GPR83: variants seen among roughly 807,000 people sequenced by gnomAD.
The protein encoded by GPR83 is G-protein coupled receptor 72.
Under a neutral mutation model 28.0 loss-of-function variants are expected in GPR83, and 23 were observed. The observed-to-expected ratio is 0.82, with a 90% CI of 0.59 to 1.16. The LOEUF is 1.16. GPR83 is among the 50% of genes most tolerant of loss of function. The pLI, the probability that GPR83 is intolerant of heterozygous loss-of-function variation, is 0.00. For missense variants in GPR83, 610 were observed against 536.6 expected, an observed-to-expected ratio of 1.14 and a Z score of -1.35; for synonymous variants, 234 against 215.4, an observed-to-expected ratio of 1.09 and a Z score of -0.76.
chr11:94,387,210 C>T (rs1202608598), intron 3 of GPR83, among the ~76,000 whole-genome samples: 1 of 152,050 alleles, frequency 6.6e-6, no homozygotes, highest in East Asian at 1.9e-4. Context: ...CACTAAATGC[C>T]CACAAGGGAA....
Position 94,396,469 on chromosome 11 carries a change from C to T in GPR83, c.443G>A (p.Arg148His), listed in dbSNP as rs201742760. The T allele has an allele frequency of 4.3e-6, 7 of 1,614,040 alleles. No individual in the cohort carries two copies. The highest frequency in any genetic ancestry group is 4.5e-5 in the East Asian group (2 of 44,870). The part of the protein sequence containing the change: ...IFGKGMCHVS[R>H]FAQYCSLHVS... ...GTGCAGTGAGCAGTACTGGGCAAAG[C>T]GGCTGACATGGCACATGCCCTTCCC... Residue 148 changes from arginine to histidine, a missense_variant, in exon 2 of 4, where the codon CGC (arginine) becomes CAC (histidine). Transcript: ENST00000243673.
Position 94,378,701 on chromosome 11 carries a change from T to C in GPR83, c.*1448A>G, listed in dbSNP as rs1944646607. 1 of 152,602 alleles carries C rather than the reference T, an allele frequency of 6.6e-6. No homozygotes were observed. Among genetic ancestry groups the C allele is most frequent in the Admixed American group, 6.5e-5 (1 of 15,280 alleles). The allele number at this position is 152,602 out of a possible 1,614,324, so 9.5% of individuals were successfully genotyped here. A position where few individuals can be genotyped will look rare whatever the true frequency, so the allele number is the denominator to read the frequency against. The stretch of plus-strand genomic sequence containing the variant: ...TCATTATTTAGACAACACAGCGAAA[T>C]GGCCTTTCTAGACAGCTTGGGAGGA... On this transcript the variant is annotated 3_prime_UTR_variant, in exon 4 of 4. Transcript: ENST00000243673.
intron 2 of GPR83, 65 bp downstream of exon 2, chr11:94,396,334 C>T: frequency 6.5e-7 from 1 of 1,549,832 alleles, no homozygotes; most frequent in Non-Finnish European, 8.9e-7. Context: ...TTCAGAGCCC[C>T]TGCAACTTCC....
At chr11:94,393,148 C>G (rs1055889477) in intron 3 of GPR83, among the ~76,000 whole-genome samples, 1 of 152,180 alleles carries the variant, frequency 6.6e-6, no homozygotes, top group African/African-American at 2.4e-5. Context: ...GAGGTTTACA[C>G]CTTGCTCCTT....
intron 2 of GPR83, among the ~76,000 whole-genome samples, chr11:94,396,026 C>T (rs1021752976): frequency 1.3e-5 from 2 of 152,140 alleles, no homozygotes; most frequent in Admixed American, 1.3e-4. Context: ...TCGAGACCAG[C>T]CTGGCCGACA....
chr11:94,380,777 G>T lies in GPR83; in HGVS notation c.648-4C>A. On this transcript the variant is annotated splice_region_variant and splice_polypyrimidine_tract_variant and intron_variant, in intron 3 of 3. Coordinates refer to ENST00000243673, the MANE Select transcript of GPR83 (RefSeq NM_016540.4). ...GAGGGAGCGCACAATGTCCTCACTG[G>T]GGGCAGGAAGTGGGGAGGGGGAGAG... 6.2e-7 allele frequency: 1 copy of T among 1,602,892 alleles called. No individual in the cohort carries two copies. Among genetic ancestry groups the T allele is most frequent in the Non-Finnish European group, 8.5e-7 (1 of 1,174,298 alleles).
At chr11:94,400,748 G>T (rs901138055) in intron 1 of GPR83, 113 bp downstream of exon 1, 7 of 854,624 alleles carry the variant, frequency 8.2e-6, no homozygotes, top group Non-Finnish European at 1.3e-5. Flanking sequence ...GAGATGTGGA[G>T]AGAGAAGTGG....
intron 3 of GPR83, among the ~76,000 whole-genome samples, chr11:94,390,071 C>CA (rs535204466): frequency 1.3e-5 from 2 of 149,516 alleles, no homozygotes; most frequent in Non-Finnish European, 3.0e-5. Flanking sequence ...ATCACAAGGA[C>CA]AAAAAACCAA....
Position 94,380,766 on chromosome 11 carries a change from T to C in GPR83, c.655A>G (p.Ile219Val). The C allele has an allele frequency of 4.4e-6, 7 of 1,607,258 alleles. No individual in the cohort carries two copies. In the South Asian group the frequency reaches 4.4e-5, roughly 10 times the overall value. The change falls in exon 4 of 4, where the codon ATT becomes GTT. Residue 219 changes from isoleucine (I) to valine (V), a missense_variant. By Grantham distance (29) the Ile-to-Val change is conservative. Transcript: ENST00000243673. ...TCTGGCAGGCAGAGGGAGCGCACAATGTCCTCACTGGGGGCAGGAAGTGGG... is the reference window on the plus strand; with the variant it reads ...TCTGGCAGGCAGAGGGAGCGCACAACGTCCTCACTGGGGGCAGGAAGTGGG... ...KLFTFKYSED[I>V]VRSLCLPDFP...
Position 94,400,937 on chromosome 11 carries a change from G to T in GPR83, c.311C>A (p.Ser104Ter). The T allele has an allele frequency of 6.2e-7, 1 of 1,613,924 alleles. No individual in the cohort carries two copies. The highest frequency in any genetic ancestry group is 8.5e-7 in the Non-Finnish European group (1 of 1,179,806). ...GTTGACGATGAAGAGGCTGGTGGCC[G>T]AGTGCATTCGCTGGTTCTTGAAGAT... ...HVIFKNQRMH[S>*]ATSLFIVNLA... The change falls in exon 1 of 4, where the codon TCG becomes TAG. Residue 104 changes from serine (S) to a stop codon, truncating the protein, a stop_gained. Coordinates refer to ENST00000243673, the MANE Select transcript of GPR83 (RefSeq NM_016540.4). LOFTEE classifies it high-confidence loss of function.
rs771081900 is a variant in GPR83, at chr11:94,380,797, G to T, written c.648-24C>A. On this transcript the variant is annotated intron_variant, in intron 3 of 3. Transcript: ENST00000243673. ...CACTGGGGGCAGGAAGTGGGGAGGG[G>T]GAGAGAGGTAACAGAAAGGAGATAT... 13 of 1,585,118 alleles carry T rather than the reference G, an allele frequency of 8.2e-6. No individual in the cohort carries two copies. The African/African-American group carries it at 1.6e-4, about 20-fold the overall frequency.
intron 3 of GPR83, among the ~76,000 whole-genome samples, chr11:94,386,518 T>C (rs1322348948): frequency 1.3e-5 from 2 of 151,780 alleles, no homozygotes; most frequent in Non-Finnish European, 2.9e-5. Flanking sequence ...ACCAAGCAAA[T>C]GGAAAACAAA....
intron 3 of GPR83, among the ~76,000 whole-genome samples, chr11:94,386,824 G>A (rs1202317078): frequency 6.6e-6 from 1 of 152,168 alleles, no homozygotes; most frequent in Non-Finnish European, 1.5e-5. Context: ...GCACCAAGTG[G>A]ACCTAATAGA....
intron 1 of GPR83, among the ~76,000 whole-genome samples, chr11:94,399,461 G>A (rs142031446): frequency 6.6e-6 from 1 of 152,302 alleles, no homozygotes; most frequent in East Asian, 1.9e-4. Flanking sequence ...TCTCATCCTG[G>A]CTCTGCCAAC....
At chr11:94,395,491 A>C (rs934167577) in intron 2 of GPR83, among the ~76,000 whole-genome samples, 6 of 152,156 alleles carry the variant, frequency 3.9e-5, no homozygotes, top group Non-Finnish European at 7.3e-5. Context: ...CTCAGTCCTA[A>C]TCCTAGCTTC....
rs376572563 is a variant in GPR83, at chr11:94,385,719, T to C, written c.648-4946A>G. Among the ~76,000 whole-genome samples the C allele has an allele frequency of 1.8e-4, 27 of 152,354 alleles. No individual in the cohort carries two copies. The South Asian group carries it at 1.9e-3, about 11-fold the overall frequency. The stretch of plus-strand genomic sequence containing the variant: ...TATGCGAAAAGACCAAATCTATGTC[T>C]GATTGGTGTATCTGAAAGTGACGGG... On this transcript the variant is annotated intron_variant, in intron 3 of 3. Transcript: ENST00000243673.
chr11:94,397,601 C>T (rs762912310), intron 1 of GPR83, among the ~76,000 whole-genome samples: 1 of 152,244 alleles, frequency 6.6e-6, no homozygotes, highest in Non-Finnish European at 1.5e-5. Flanking sequence ...CTTTCCTCAT[C>T]TGTAAAATGG....
At chr11:94,381,122 T>G (rs1944682312) in intron 3 of GPR83, among the ~76,000 whole-genome samples, 1 of 152,166 alleles carries the variant, frequency 6.6e-6, no homozygotes, top group Non-Finnish European at 1.5e-5. Flanking sequence ...AATCCTAGAA[T>G]TTCCCATTCT....
chr11:94,394,675 C>A (rs193279196), intron 2 of GPR83, among the ~76,000 whole-genome samples: 1 of 152,036 alleles, frequency 6.6e-6, no homozygotes, highest in African/African-American at 2.4e-5. Flanking sequence ...TGGGAGGAAG[C>A]AATGAGGCTT....
Sources: gnomAD v4.1 joint callset for allele counts (sites outside exome capture counted in the v4.1 genomes callset) on GRCh38, gnomAD v4.1.1 for gene constraint, MANE v1.5 for transcripts, NCBI Gene and HGNC (gene_info 2026-07-23, HGNC 2026-07-21) for gene names.